The following GPD2 variants were observed in gnomAD, a reference collection of about 807,000 sequenced individuals.
The protein encoded by GPD2 is glycerol-3-phosphate dehydrogenase 2, also known as glycerol-3-phosphate dehydrogenase, mitochondrial.
GPD2 carries 54 observed loss-of-function variants against 82.4 expected under a neutral mutation model. That is an observed-to-expected ratio of 0.66 (90% CI 0.53 to 0.82). The LOEUF is 0.82. Among genes scored for constraint, GPD2 ranks in the 40% least tolerant of loss-of-function variants. The pLI is 0.00. For synonymous variants in GPD2, 288 were observed against 306.1 expected, an observed-to-expected ratio of 0.94 and a Z score of 0.62; for missense variants, 748 against 896.2, an observed-to-expected ratio of 0.83 and a Z score of 2.11.
intron 3 of GPD2, among the ~76,000 whole-genome samples, chr2:156,500,666 A>C (rs750211023): frequency 3.3e-5 from 5 of 152,206 alleles, no homozygotes; most frequent in Admixed American, 1.3e-4. Context: ...TTGTACAAAA[A>C]TGTTTGCATG....
At chr2:156,535,287 G>C (rs1573973407) in intron 6 of GPD2, among the ~76,000 whole-genome samples, 1 of 149,478 alleles carries the variant, frequency 6.7e-6, no homozygotes, top group African/African-American at 2.5e-5. Context: ...GAGAGAGAGA[G>C]AGAAAGAGAG....
rs1688077578 is a variant in GPD2 at position 156,582,839 on chromosome 2, C to T, written c.2105C>T (p.Ala702Val). ...GGAAGGGTATCTGGAAGCCGGCTTG[C>T]TATACTAATGAAAACTGCAGAAGAG... Reference protein sequence around the residue: ...QKGRVSGSRLAILMKTAEENL... With the variant: ...QKGRVSGSRLVILMKTAEENL... Residue 702 changes from alanine to valine, a missense_variant, in exon 17 of 17, where the codon GCT becomes GTT. Physicochemically the swap from Ala to Val is moderately conservative, Grantham distance 64. This residue lies in a region of GPD2 where 46 missense variants were observed against 49.1 expected (regional missense o/e 0.94). Transcript: ENST00000438166. The T allele has an allele frequency of 6.2e-7, 1 of 1,612,734 alleles. No individual in the cohort carries two copies. The highest frequency in any genetic ancestry group is 8.5e-7 in the Non-Finnish European group (1 of 1,179,022).
At chr2:156,422,397 A>G in the GPD2 span, among the ~76,000 whole-genome samples, 1 of 152,208 alleles carries the variant, frequency 6.6e-6, no homozygotes, top group African/African-American at 2.4e-5. Flanking sequence ...TTGAATAGGC[A>G]GTAAGCAGAA....
chr2:156,470,909 A>G (rs998633048), intron 1 of GPD2, among the ~76,000 whole-genome samples: 3 of 152,220 alleles, frequency 2.0e-5, no homozygotes, highest in African/African-American at 7.2e-5. Context: ...TGTAGCAATT[A>G]CATCTGTCAG....
At chr2:156,455,431 T>A (rs1449304018) in intron 1 of GPD2, among the ~76,000 whole-genome samples, 2 of 152,234 alleles carry the variant, frequency 1.3e-5, no homozygotes, top group Non-Finnish European at 2.9e-5. Flanking sequence ...GACAATCCTT[T>A]GTCTAATGAC....
In GPD2 at chr2:156,583,294, A is replaced by G. The variant is rs1688095484; in HGVS notation, c.*376A>G. The G allele has an allele frequency of 3.3e-6, 1 of 299,980 alleles. No homozygotes were observed. Among genetic ancestry groups the G allele is most frequent in the Admixed American group, 4.6e-5 (1 of 21,898 alleles). The allele number at this position is 299,980 out of a possible 1,614,324, so 18.6% of individuals were successfully genotyped here. A position where few individuals can be genotyped will look rare whatever the true frequency, so the allele number is the denominator to read the frequency against. On this transcript the variant is annotated 3_prime_UTR_variant, in exon 17 of 17. Coordinates refer to ENST00000438166, the MANE Select transcript of GPD2 (RefSeq NM_000408.5). ...AAAAAAGCTGGAGACATTTTGTGAC[A>G]TGCATACAGATAGCATGTGTTATTA...
At chr2:156,579,489 C>T (rs1255854432) in intron 15 of GPD2, among the ~76,000 whole-genome samples, 3 of 151,690 alleles carry the variant, frequency 2.0e-5, no homozygotes, top group South Asian at 2.1e-4. Context: ...CCACCATGCC[C>T]GGCTAATTTT....
chr2:156,564,395 G>T (rs768014917), intron 9 of GPD2, among the ~76,000 whole-genome samples: 1 of 152,126 alleles, frequency 6.6e-6, no homozygotes, highest in Non-Finnish European at 1.5e-5. Flanking sequence ...TTTCGTTAGG[G>T]TTTAACAATG....
intron 9 of GPD2, among the ~76,000 whole-genome samples, chr2:156,567,556 C>T (rs1687437572): frequency 6.6e-6 from 1 of 152,082 alleles, no homozygotes; most frequent in Admixed American, 6.6e-5. Context: ...AAATTATACT[C>T]ATGTTTCTGT....
intron 6 of GPD2, among the ~76,000 whole-genome samples, chr2:156,523,088 A>G (rs886998990): frequency 6.6e-6 from 1 of 152,168 alleles, no homozygotes; most frequent in Non-Finnish European, 1.5e-5. Flanking sequence ...ACCTACATGG[A>G]CACATCATTA....
Position 156,578,876 on chromosome 2 carries a change from A to T in GPD2, c.1768-13A>T. The T allele has an allele frequency of 7.2e-7, 1 of 1,390,060 alleles. No individual in the cohort carries two copies. The highest frequency in any genetic ancestry group is 1.2e-5 in the South Asian group (1 of 86,532). 86.1% of individuals were successfully genotyped at this position (1,390,060 alleles called of 1,614,324 possible). ...CCATGTGTCTTTGAACTTTGTGTGT[A>T]TCTCTGTTTTAGGAACAACTTGAAA... On this transcript the variant is annotated splice_polypyrimidine_tract_variant and intron_variant, in intron 13 of 16. Coordinates refer to ENST00000438166, the MANE Select transcript of GPD2 (RefSeq NM_000408.5).
At chr2:156,407,939 C>T in the GPD2 span, among the ~76,000 whole-genome samples, 1 of 140,630 alleles carries the variant, frequency 7.1e-6, no homozygotes, top group African/African-American at 2.6e-5. Context: ...TGTCTCCATG[C>T]TGTAATTTTT....
At chr2:156,424,731 T>C in the GPD2 span, among the ~76,000 whole-genome samples, 2 of 152,198 alleles carry the variant, frequency 1.3e-5, no homozygotes, top group African/African-American at 4.8e-5. Context: ...AAAAAGTATC[T>C]TACACAAAAA....
chr2:156,456,386 C>A (rs1031571369), intron 1 of GPD2, among the ~76,000 whole-genome samples: 1 of 151,882 alleles, frequency 6.6e-6, no homozygotes, highest in Admixed American at 6.6e-5. Flanking sequence ...GGCAGATCAC[C>A]TGAGGTCAGG....
At chr2:156,482,125 C>T (rs1683754796) in intron 2 of GPD2, among the ~76,000 whole-genome samples, 1 of 152,210 alleles carries the variant, frequency 6.6e-6, no homozygotes, top group Non-Finnish European at 1.5e-5. Context: ...CGGTTGTAGT[C>T]AGCAAGCAAG....
Position 156,439,393 on chromosome 2 carries a change from G to A in GPD2, c.-9+2880G>A, listed in dbSNP as rs569974516. ...AGCCCAGGAGTTTGAGACCAGCCTG[G>A]ACAACATGGAAACCCCATCTTTACA... On this transcript the variant is annotated intron_variant, in intron 1 of 16. Coordinates refer to ENST00000438166, the MANE Select transcript of GPD2 (RefSeq NM_000408.5). 2.6e-5 allele frequency among the ~76,000 whole-genome samples: 4 copies of A among 151,254 alleles called. No homozygotes were observed. The South Asian group carries it at 8.4e-4, about 32-fold the overall frequency.
chr2:156,422,392 T>C, the GPD2 span, among the ~76,000 whole-genome samples: 125 of 152,268 alleles, frequency 8.2e-4, no homozygotes, highest in Non-Finnish European at 1.4e-3. Flanking sequence ...GGTTGTTGAA[T>C]AGGCAGTAAG....
chr2:156,421,016 A>G, the GPD2 span, among the ~76,000 whole-genome samples: 1 of 152,212 alleles, frequency 6.6e-6, no homozygotes, highest in Non-Finnish European at 1.5e-5. Flanking sequence ...GAGTTTATTC[A>G]CAATTAATGT....
chr2:156,443,686 A>G (rs1682258520), intron 1 of GPD2, among the ~76,000 whole-genome samples: 1 of 152,180 alleles, frequency 6.6e-6, no homozygotes, highest in Non-Finnish European at 1.5e-5. Context: ...GACATTATAA[A>G]AGGAATCCTT....
Sources: allele counts gnomAD v4.1 joint callset (sites outside exome capture counted in the v4.1 genomes callset), GRCh38; gene constraint gnomAD v4.1.1; regional missense constraint gnomAD v4.1.1; transcripts MANE v1.5; gene names NCBI Gene and HGNC (gene_info 2026-07-23, HGNC 2026-07-21).